The following CHRNB4 variants were observed in gnomAD, a reference collection of about 807,000 sequenced individuals.
CHRNB4 encodes the protein neuronal acetylcholine receptor subunit beta-4.
In CHRNB4, 23 loss-of-function variants were observed where a neutral mutation model predicts 40.4. The observed-to-expected ratio is 0.57, with a 90% confidence interval of 0.41 to 0.81. The LOEUF (loss-of-function observed/expected upper bound fraction) is 0.81. Among genes scored for constraint, CHRNB4 ranks in the 30% least tolerant of loss-of-function variants. The pLI is 0.00. For missense variants in CHRNB4, 568 were observed against 670.6 expected (o/e 0.85, Z 1.69); for synonymous variants, 285 against 274.4 (o/e 1.04, Z -0.38).
Position 78,635,678 on chromosome 15 carries a change from A to T in CHRNB4, c.56-91T>A, listed in dbSNP as rs71537686. 4 of 1,553,070 alleles carry T rather than the reference A, an allele frequency of 2.6e-6. No individual in the cohort carries two copies. The East Asian group carries it at 6.7e-5, about 26-fold the overall frequency. ...AGCAGGGAGAGCTGAGAGGGAGCAC[A>T]GGTGCCCTTAGGGCTGGCTGAAGCA... On this transcript the variant is annotated intron_variant, in intron 1 of 5. Coordinates refer to ENST00000261751, the MANE Select transcript of CHRNB4 (RefSeq NM_000750.5).
rs780890037 is a variant in CHRNB4, at chr15:78,629,402, G to C, written c.903C>G (p.Phe301Leu). Residue 301 changes from phenylalanine to leucine, a missense_variant, in exon 5 of 6, where the codon TTC (phenylalanine) becomes TTG (leucine). This residue lies in a region of CHRNB4 where 242 missense variants were observed against 274.9 expected (regional missense o/e 0.88). Transcript: ENST00000261751. The surrounding 1 kb of genome is among the most constrained non-coding windows in gnomAD (Gnocchi z 6.8). ...DVPLIGKYLM[F>L]TMVLVTFSIV... is the part of the protein sequence containing the mutation. ...TGGAGAAGGTGACCAGCACCATGGTGAACATGAGGTACTTGCCGATGAGAG... is the reference window on the plus strand; with the variant it reads ...TGGAGAAGGTGACCAGCACCATGGTCAACATGAGGTACTTGCCGATGAGAG... The C allele has an allele frequency of 6.2e-7, 1 of 1,614,138 alleles. No individual in the cohort carries two copies. The highest frequency in any genetic ancestry group is 8.5e-7 in the Non-Finnish European group (1 of 1,180,014).
chr15:78,654,375 C>T (rs2054195866), intron 5 of CHRNB4, among the ~76,000 whole-genome samples: 1 of 152,200 alleles, frequency 6.6e-6, no homozygotes, highest in Admixed American at 6.5e-5. Flanking sequence ...ACAATGACCG[C>T]AAAGAACATG....
At chr15:78,628,941 T>G (rs1256563529) in intron 5 of CHRNB4, 26 bp downstream of exon 5, 1 of 1,588,184 alleles carries the variant, frequency 6.3e-7, no homozygotes, top group Non-Finnish European at 8.6e-7. Flanking sequence ...GTTGGGCAGG[T>G]GGGCAGGGGC....
intron 5 of CHRNB4, among the ~76,000 whole-genome samples, chr15:78,655,276 TGGCTCACTGCAGCCTCAACCCCCA>T: frequency 1.3e-5 from 2 of 151,628 alleles, no homozygotes; most frequent in South Asian, 2.1e-4. Flanking sequence ...GGCGTGATCA[TGGCTCACTGCAGCCTCAACCCCCA>T]GGCTCAAGCG....
intron 2 of CHRNB4, 43 bp from the exon 3 acceptor site, chr15:78,631,375 G>A (rs780786892): frequency 1.6e-5 from 26 of 1,598,276 alleles, no homozygotes; most frequent in East Asian, 2.2e-5. Context: ...GGAAGGAGGA[G>A]CCTCACAAAT....
intron 4 of CHRNB4, 99 bp downstream of exon 4, chr15:78,630,977 A>T: frequency 1.1e-6 from 1 of 904,220 alleles, no homozygotes; most frequent in Non-Finnish European, 1.8e-6. Context: ...TAAAGCAGAG[A>T]TGGGGCTCAG....
At chr15:78,635,284 T>C (rs2053924218) in intron 2 of CHRNB4, among the ~76,000 whole-genome samples, 155 bp downstream of exon 2, 7 of 152,248 alleles carry the variant, frequency 4.6e-5, no homozygotes, top group Admixed American at 4.6e-4. Context: ...TGGACACCTA[T>C]GAACTTCATG....
intron 1 of CHRNB4, among the ~76,000 whole-genome samples, chr15:78,639,679 T>C (rs898222656): frequency 2.6e-5 from 4 of 152,210 alleles, no homozygotes; most frequent in Non-Finnish European, 5.9e-5. Context: ...TCATGTGTAT[T>C]AATCACCTGG....
chr15:78,630,653 C>T (rs2053785499), intron 4 of CHRNB4, among the ~76,000 whole-genome samples: 1 of 152,216 alleles, frequency 6.6e-6, no homozygotes, highest in Non-Finnish European at 1.5e-5. Flanking sequence ...TGAGCCATTT[C>T]AAGCTACTGC....
At chr15:78,643,890 C>T (rs1258698702), upstream of CHRNB4, among the ~76,000 whole-genome samples, 1 of 151,636 alleles carries the variant, frequency 6.6e-6, no homozygotes, top group African/African-American at 2.4e-5. Context: ...TGGCTCACGC[C>T]TATAATCCCA....
exon 4 of CHRNB4, chr15:78,656,641 T>C (rs1274879069): frequency 1.3e-5 from 2 of 152,322 alleles, no homozygotes; most frequent in Non-Finnish European, 2.9e-5. Context: ...ATACAGGGAA[T>C]TCCTGCAGCA....
At chr15:78,632,258 T>G (rs147836076) in intron 2 of CHRNB4, among the ~76,000 whole-genome samples, 50,849 of 140,266 alleles carry the variant, frequency 0.36, 9,748 homozygotes, top group African/African-American at 0.4. Flanking sequence ...TCTCTCTCTT[T>G]CTTTCTTTCT....
In CHRNB4 at chr15:78,629,108, A is replaced by C. The variant is rs1453092907; in HGVS notation, c.1197T>G (p.Ser399=). 1 of 1,614,038 alleles carries C rather than the reference A, an allele frequency of 6.2e-7. No individual in the cohort carries two copies. The highest frequency in any genetic ancestry group is 8.5e-7 in the Non-Finnish European group (1 of 1,180,028). The change falls in exon 5 of 6, where the codon TCT becomes TCG. Residue 399 remains serine (S), a synonymous_variant. Transcript: ENST00000261751. This position sits in a 1 kb window ranked among gnomAD's most constrained non-coding sequence, Gnocchi z 6.8. The stretch of plus-strand genomic sequence containing the variant: ...TAGCCACCGGGGTAGAGCCGGCTGG[A>C]GACTTGGAAGCTGCAGAGGCGGGGT... ...FVNPASAASK[S]PAGSTPVAIP...
chr15:78,625,577 A>G (rs567000020), intron 5 of CHRNB4, among the ~76,000 whole-genome samples: 71 of 152,196 alleles, frequency 4.7e-4, no homozygotes, highest in Non-Finnish European at 6.9e-4. Context: ...TTAATACTAC[A>G]TATTATGATT....
upstream of CHRNB4, among the ~76,000 whole-genome samples, chr15:78,646,022 T>C (rs1384251241): frequency 2.0e-5 from 3 of 147,136 alleles, no homozygotes; most frequent in Non-Finnish European, 4.4e-5. Flanking sequence ...ATTGTGCCAC[T>C]GCACTCCAGC....
chr15:78,641,392 C>T (rs1003308345), upstream of CHRNB4: 2 of 448,824 alleles, frequency 4.5e-6, no homozygotes, highest in Non-Finnish European at 7.8e-6. Context: ...GGCCTCGCAA[C>T]CTTCCCCCAA....
Position 78,629,750 on chromosome 15 carries a change from G to A in CHRNB4, c.555C>T (p.Leu185=). 1.9e-6 allele frequency: 3 copies of A among 1,614,070 alleles called. No homozygotes were observed. Among genetic ancestry groups the A allele is most frequent in the East Asian group, 4.5e-5 (2 of 44,866 alleles). ...CATCCATGCTGGCTGTGGGCGTCAT[G>A]AGGACCATGTCTATCTCCGTGTGGT... The part of the protein sequence containing the change: ...TYDHTEIDMV[L]MTPTASMDDF... Residue 185 remains leucine (L), a synonymous_variant, in exon 5 of 6, where the codon CTC becomes CTT. Coordinates refer to ENST00000261751, the MANE Select transcript of CHRNB4 (RefSeq NM_000750.5). The surrounding 1 kb of genome is among the most constrained non-coding windows in gnomAD (Gnocchi z 6.8).
At chr15:78,638,426 G>C (rs2053999335) in intron 1 of CHRNB4, among the ~76,000 whole-genome samples, 1 of 152,246 alleles carries the variant, frequency 6.6e-6, no homozygotes, top group Admixed American at 6.5e-5. Context: ...TTTCTCAAGT[G>C]CCCCCAGCAA....
chr15:78,646,948 C>A (rs2141405269), intron 7 of CHRNB4, among the ~76,000 whole-genome samples: 1 of 152,122 alleles, frequency 6.6e-6, no homozygotes, highest in African/African-American at 2.4e-5. Flanking sequence ...CCAGACCAGC[C>A]TGGGTGACAT....
Sources: allele counts gnomAD v4.1 joint callset (sites outside exome capture counted in the v4.1 genomes callset), GRCh38; gene constraint gnomAD v4.1.1; regional missense constraint gnomAD v4.1.1; non-coding constraint Gnocchi (gnomAD v3.1); transcripts MANE v1.5; gene names NCBI Gene and HGNC (gene_info 2026-07-23, HGNC 2026-07-21).